Variants in PCDHGB3 observed in about 807,000 individuals in gnomAD.
PCDHGB3 encodes protocadherin gamma subfamily B, 3, also known as protocadherin gamma-B3.
In PCDHGB3, 40 loss-of-function variants were observed where a neutral mutation model predicts 59.2. The ratio of observed to expected loss-of-function variants is 0.68; its 90% confidence interval spans 0.52 to 0.88. The LOEUF is 0.88. Among genes scored for constraint, PCDHGB3 ranks in the 40% least tolerant of loss-of-function variants. The pLI, the probability that PCDHGB3 is intolerant of heterozygous loss-of-function variation, is 0.00. For synonymous variants in PCDHGB3, 581 were observed against 503.6 expected (o/e 1.15, Z -2.06); for missense variants, 1,309 against 1,187.9 (o/e 1.10, Z -1.50).
intron 1 of PCDHGB3, chr5:141,393,347 C>A: frequency 6.2e-7 from 1 of 1,613,980 alleles, no homozygotes; most frequent in Non-Finnish European, 8.5e-7. Context: ...ATCACCACTT[C>A]TCCCTGGACG....
intron 2 of PCDHGB3, among the ~76,000 whole-genome samples, chr5:141,500,180 TTA>T (rs2099797073): frequency 7.1e-6 from 1 of 140,608 alleles, no homozygotes; most frequent in African/African-American, 2.8e-5. Flanking sequence ...AGCTTCATTT[TTA>T]TTTTTATTTA....
rs2091498902 is a variant in PCDHGB3 at position 141,388,801 on chromosome 5, A to G, written c.2415+15992A>G. The G allele has an allele frequency of 1.9e-6, 3 of 1,613,940 alleles. No homozygotes were observed. The East Asian group carries it at 6.7e-5, about 36-fold the overall frequency. On this transcript the variant is annotated intron_variant, in intron 1 of 3. Coordinates refer to ENST00000576222, the MANE Select transcript of PCDHGB3 (RefSeq NM_018924.5). Reference sequence around the variant, plus strand: ...GAAATTACTGTTTTAAATACATTAGATTTTGAAGAAGTCAAAGAATATTCC... The same window carrying G: ...GAAATTACTGTTTTAAATACATTAGGTTTTGAAGAAGTCAAAGAATATTCC...
At chr5:141,414,137 T>C in intron 1 of PCDHGB3, 1 of 1,595,618 alleles carries the variant, frequency 6.3e-7, no homozygotes, top group South Asian at 1.1e-5. Context: ...TTCTATGAAA[T>C]AGAAATACAA....
At chr5:141,443,467 C>T (rs2098389901) in intron 1 of PCDHGB3, among the ~76,000 whole-genome samples, 2 of 152,156 alleles carry the variant, frequency 1.3e-5, no homozygotes, top group African/African-American at 4.8e-5. Context: ...GTCTGGGTGA[C>T]AGAATTAGAC....
intron 1 of PCDHGB3, chr5:141,400,090 A>G: frequency 6.2e-7 from 1 of 1,614,064 alleles, no homozygotes; most frequent in Non-Finnish European, 8.5e-7. Context: ...CGCCACCGCC[A>G]CGCTGCACTT....
At chr5:141,397,926 A>T in intron 1 of PCDHGB3, 1 of 753,888 alleles carries the variant, frequency 1.3e-6, no homozygotes, top group Non-Finnish European at 2.1e-6. Context: ...CTCCTCGCGC[A>T]GCCGCAGCGC....
chr5:141,438,635 TACACACACACACACAC>T (rs56854727), intron 1 of PCDHGB3, among the ~76,000 whole-genome samples: 7 of 33,414 alleles, frequency 2.1e-4, no homozygotes, highest in Non-Finnish European at 3.7e-4. Flanking sequence ...TATATATATA[TACACACACACACACAC>T]ATATATGTAT....
chr5:141,375,542 G>GTC (rs767363908), intron 1 of PCDHGB3: 3 of 1,613,976 alleles, frequency 1.9e-6, no homozygotes, highest in Non-Finnish European at 2.5e-6. Flanking sequence ...GAACGCCCAA[G>GTC]TCTCCTACTC....
intron 1 of PCDHGB3, among the ~76,000 whole-genome samples, chr5:141,397,380 A>G (rs1469821900): frequency 1.7e-4 from 26 of 152,236 alleles, no homozygotes; most frequent in Non-Finnish European, 3.8e-4. Flanking sequence ...GGGGATTGGT[A>G]TAAAATTGCC....
At position 141,380,476 on chromosome 5, in the gene PCDHGB3, TC is replaced by T. The variant is rs534346627; in HGVS notation, c.2415+7670del. Among the ~76,000 whole-genome samples the T allele has an allele frequency of 1.1e-4, 16 of 152,316 alleles. No homozygotes were observed. The South Asian group carries it at 3.1e-3, about 30-fold the overall frequency. ...CAACCAAACAAATGGTCAGGATTCT[TC>T]CCAATATCTCAGTCAACAATAATAT... is the stretch of plus-strand genomic sequence containing the variant. On this transcript the variant is annotated intron_variant, in intron 1 of 3. Transcript: ENST00000576222.
At chr5:141,403,574 C>A (rs1441332710) in intron 1 of PCDHGB3, 1 of 1,613,960 alleles carries the variant, frequency 6.2e-7, no homozygotes, top group Admixed American at 1.7e-5. Flanking sequence ...GGCAACTGCC[C>A]ACCACCTGGT....
At chr5:141,372,999 A>T (rs978002014) in intron 1 of PCDHGB3, among the ~76,000 whole-genome samples, 190 bp downstream of exon 1, 9 of 152,148 alleles carry the variant, frequency 5.9e-5, no homozygotes, top group Non-Finnish European at 7.3e-5. Flanking sequence ...TTGTTCTTTC[A>T]TAGAAAGCCT....
At chr5:141,413,445 C>G (rs764464917) in intron 1 of PCDHGB3, 105 of 1,613,986 alleles carry the variant, frequency 6.5e-5, no homozygotes, top group Non-Finnish European at 8.5e-5. Context: ...GCTTGATCAC[C>G]GCGGGCAGGA....
At chr5:141,385,066 C>A (rs1780827434) in intron 1 of PCDHGB3, 1 of 1,614,194 alleles carries the variant, frequency 6.2e-7, no homozygotes, top group Non-Finnish European at 8.5e-7. Flanking sequence ...GCACAAGTCA[C>A]GCCTGCTGCA....
At chr5:141,402,407 A>G (rs1365068565) in intron 1 of PCDHGB3, among the ~76,000 whole-genome samples, 1 of 152,106 alleles carries the variant, frequency 6.6e-6, no homozygotes, top group African/African-American at 2.4e-5. Context: ...AATTGTTAAG[A>G]TACACAGAAA....
At chr5:141,391,869 T>A (rs2092430763) in intron 1 of PCDHGB3, 2 of 152,218 alleles carry the variant, frequency 1.3e-5, no homozygotes, top group Admixed American at 1.3e-4. Flanking sequence ...AATTTAATCA[T>A]CTCTTTGGTG....
chr5:141,494,434 T>A (rs976526647), intron 1 of PCDHGB3, among the ~76,000 whole-genome samples: 2 of 152,166 alleles, frequency 1.3e-5, no homozygotes, highest in Middle Eastern at 3.2e-3. Flanking sequence ...AAAAGCCTCC[T>A]TTGCCACTTT....
intron 1 of PCDHGB3, among the ~76,000 whole-genome samples, chr5:141,444,229 T>G (rs957213677): frequency 4.6e-5 from 6 of 130,226 alleles, no homozygotes; most frequent in Admixed American, 9.4e-5. Context: ...TGGAGTGCAA[T>G]GGCATGCTCT....
intron 1 of PCDHGB3, chr5:141,405,323 T>C (rs1420760439): frequency 6.2e-7 from 1 of 1,614,220 alleles, no homozygotes; most frequent in Non-Finnish European, 8.5e-7. Context: ...AAATGAGCCT[T>C]TGTGCGTCTC....
Sources: gnomAD v4.1 joint callset for allele counts (sites outside exome capture counted in the v4.1 genomes callset) on GRCh38, gnomAD v4.1.1 for gene constraint, MANE v1.5 for transcripts, NCBI Gene and HGNC (gene_info 2026-07-23, HGNC 2026-07-21) for gene names.